The following PPP1R12B variants were observed in gnomAD, a reference collection of about 807,000 sequenced individuals.
PPP1R12B encodes protein phosphatase 1 regulatory subunit 12B.
In PPP1R12B, 76 loss-of-function variants were observed where a neutral mutation model predicts 126.1. The ratio of observed to expected loss-of-function variants is 0.60; its 90% CI spans 0.50 to 0.73. PPP1R12B has a LOEUF of 0.73. Among genes scored for constraint, PPP1R12B ranks in the 30% least tolerant of loss-of-function variants. The probability of loss-of-function intolerance (pLI) is 0.00; values close to 1 mark genes in which losing one functional copy is unlikely to be tolerated. For missense variants in PPP1R12B, 1,052 were observed against 1,205.1 expected (o/e 0.87, Z 1.88); for synonymous variants, 356 against 434.7 (o/e 0.82, Z 2.25).
At chr1:202,537,045 T>G (rs1388040618) in intron 18 of PPP1R12B, among the ~76,000 whole-genome samples, 1 of 152,312 alleles carries the variant, frequency 6.6e-6, no homozygotes, top group South Asian at 2.1e-4. Flanking sequence ...ATTTAAAATA[T>G]AGTATGGTAA....
chr1:202,495,371 T>G lies in PPP1R12B; in HGVS notation c.2224T>G (p.Ser742Ala). 1.2e-6 allele frequency: 2 copies of G among 1,607,292 alleles called. No individual in the cohort carries two copies. The highest frequency in any genetic ancestry group is 1.7e-6 in the Non-Finnish European group (2 of 1,176,816). Residue 742 changes from serine (S) to alanine (A), a missense_variant, in exon 16 of 24, where the codon TCA becomes GCA. Transcript: ENST00000608999. Reference protein sequence around the residue: ...TPASPSTSRPSLYTSSHLLWT... With the variant: ...TPASPSTSRPALYTSSHLLWT... Reference sequence around the variant, plus strand: ...AGCATCTCCTTCTACGTCAAGACCCTCACTCTACACCAGTTCCCACCTGCT... The same window carrying G: ...AGCATCTCCTTCTACGTCAAGACCCGCACTCTACACCAGTTCCCACCTGCT...
intron 18 of PPP1R12B, among the ~76,000 whole-genome samples, chr1:202,514,289 T>C (rs1397526965): frequency 1.3e-5 from 2 of 152,174 alleles, no homozygotes; most frequent in African/African-American, 4.8e-5. Context: ...GTTTTGTTTT[T>C]CTCTTGTAAA....
At chr1:202,374,473 C>A (rs1392827275) in intron 1 of PPP1R12B, among the ~76,000 whole-genome samples, 1 of 147,362 alleles carries the variant, frequency 6.8e-6, no homozygotes, top group Non-Finnish European at 1.5e-5. Context: ...TCAAATCCAT[C>A]TGCTTTCATT....
At chr1:202,368,894 G>C (rs1187779585) in intron 1 of PPP1R12B, among the ~76,000 whole-genome samples, 1 of 151,930 alleles carries the variant, frequency 6.6e-6, no homozygotes, top group African/African-American at 2.4e-5. Flanking sequence ...ACCATGCCTG[G>C]CTATTTTTAA....
At chr1:202,537,120 G>A (rs1039282791) in intron 18 of PPP1R12B, among the ~76,000 whole-genome samples, 1 of 152,142 alleles carries the variant, frequency 6.6e-6, no homozygotes, top group African/African-American at 2.4e-5. Context: ...AGGCTGAGAC[G>A]GGCCGATCAC....
At chr1:202,555,368 C>A (rs1190571276) in intron 18 of PPP1R12B, among the ~76,000 whole-genome samples, 1 of 97,392 alleles carries the variant, frequency 1.0e-5, no homozygotes. Context: ...GTTTCGTCAC[C>A]ATAGAGGCAG....
chr1:202,428,198 A>C (rs1669795191), intron 5 of PPP1R12B, among the ~76,000 whole-genome samples: 1 of 152,128 alleles, frequency 6.6e-6, no homozygotes, highest in African/African-American at 2.4e-5. Context: ...AAAGGCAAAA[A>C]GTGAATATTG....
chr1:202,349,132 C>A lies in PPP1R12B; in HGVS notation c.281C>A (p.Ala94Asp). Reference sequence around the variant, plus strand: ...ACGGTCAACGTGGACGGCTTGACAGCCCTGCACCAGGTAACTCCTTTCTTG... The same window carrying A: ...ACGGTCAACGTGGACGGCTTGACAGACCTGCACCAGGTAACTCCTTTCTTG... ...INTVNVDGLT[A>D]LHQACIDENL... is the part of the protein sequence containing the mutation. Residue 94 changes from alanine to aspartate, a missense_variant, in exon 1 of 24, where the codon GCC (alanine) becomes GAC (aspartate). Transcript: ENST00000608999. 1 of 1,613,908 alleles carries A rather than the reference C, an allele frequency of 6.2e-7. No homozygotes were observed. Among genetic ancestry groups the A allele is most frequent in the Non-Finnish European group, 8.5e-7 (1 of 1,180,022 alleles).
intron 1 of PPP1R12B, among the ~76,000 whole-genome samples, chr1:202,393,436 T>C (rs1468163420): frequency 1.3e-5 from 2 of 149,744 alleles, no homozygotes; most frequent in Non-Finnish European, 3.0e-5. Context: ...AAATTAGTTC[T>C]TTTTTTTTTC....
At chr1:202,479,039 G>C (rs1468570240) in intron 13 of PPP1R12B, among the ~76,000 whole-genome samples, 1 of 152,196 alleles carries the variant, frequency 6.6e-6, no homozygotes, top group African/African-American at 2.4e-5. Context: ...TGGTAATCTA[G>C]ACAGAAATTC....
At chr1:202,390,978 C>G (rs1385102152) in intron 1 of PPP1R12B, among the ~76,000 whole-genome samples, 4 of 152,140 alleles carry the variant, frequency 2.6e-5, no homozygotes, top group Non-Finnish European at 4.4e-5. Flanking sequence ...GTGGGAGGAT[C>G]ATTTGGACCT....
At chr1:202,389,711 G>A (rs1391143040) in intron 1 of PPP1R12B, among the ~76,000 whole-genome samples, 7 of 151,830 alleles carry the variant, frequency 4.6e-5, no homozygotes, top group Non-Finnish European at 8.8e-5. Flanking sequence ...GGGAAATCAC[G>A]AGGTCAGGAG....
chr1:202,554,209 A>G (rs1199676842), intron 18 of PPP1R12B, among the ~76,000 whole-genome samples: 1 of 152,178 alleles, frequency 6.6e-6, no homozygotes, highest in African/African-American at 2.4e-5. Flanking sequence ...GTTAGGAAGT[A>G]TGATCTAAAA....
intron 18 of PPP1R12B, among the ~76,000 whole-genome samples, chr1:202,528,232 T>G (rs893666906): frequency 6.6e-6 from 1 of 152,232 alleles, no homozygotes; most frequent in Non-Finnish European, 1.5e-5. Flanking sequence ...CACACTGTTA[T>G]CACCACGCAA....
At chr1:202,407,686 A>G (rs1327588131) in intron 1 of PPP1R12B, among the ~76,000 whole-genome samples, 4 of 152,182 alleles carry the variant, frequency 2.6e-5, no homozygotes, top group African/African-American at 9.7e-5. Flanking sequence ...AGAGACAGCT[A>G]CTTGGAAGGA....
chr1:202,559,740 C>G (rs564966999), intron 19 of PPP1R12B, among the ~76,000 whole-genome samples: 10 of 152,132 alleles, frequency 6.6e-5, no homozygotes, highest in Non-Finnish European at 1.3e-4. Flanking sequence ...TTCTAATGTT[C>G]TTCTTCTGCT....
intron 1 of PPP1R12B, among the ~76,000 whole-genome samples, chr1:202,362,059 A>G (rs1196369874): frequency 1.3e-5 from 2 of 150,668 alleles, no homozygotes; most frequent in African/African-American, 4.9e-5. Context: ...CAGGGGAGGC[A>G]GATTACTTTT....
In PPP1R12B at chr1:202,580,636, C is replaced by A; in HGVS notation, c.*76C>A. On this transcript the variant is annotated 3_prime_UTR_variant, in exon 24 of 24. Coordinates refer to ENST00000608999, the MANE Select transcript of PPP1R12B (RefSeq NM_002481.4). ...ACCCCTCTTTTCCAGTCCTTGCCTT[C>A]CAACCAAAAGAAATGGATGTTTTGG... is the stretch of plus-strand genomic sequence containing the variant. 8.0e-7 allele frequency: 1 copy of A among 1,247,244 alleles called. No individual in the cohort carries two copies. The highest frequency in any genetic ancestry group is 1.2e-6 in the Non-Finnish European group (1 of 851,976). 77.3% of individuals were successfully genotyped at this position (1,247,244 alleles called of 1,614,324 possible).
At chr1:202,378,054 G>A (rs1661539170) in intron 1 of PPP1R12B, among the ~76,000 whole-genome samples, 1 of 151,460 alleles carries the variant, frequency 6.6e-6, no homozygotes, top group South Asian at 2.1e-4. Context: ...TAGCCAGGAT[G>A]ATCTCGATCT....
Sources: allele counts gnomAD v4.1 joint callset (sites outside exome capture counted in the v4.1 genomes callset), GRCh38; gene constraint gnomAD v4.1.1; transcripts MANE v1.5; gene names NCBI Gene and HGNC (gene_info 2026-07-23, HGNC 2026-07-21).